The following ZDHHC15 variants were observed in gnomAD, a reference collection of about 807,000 sequenced individuals.
The protein encoded by ZDHHC15 is palmitoyltransferase ZDHHC15.
In ZDHHC15, 19 loss-of-function variants were observed where a neutral mutation model predicts 31.7. That is an observed-to-expected ratio of 0.60 (90% CI 0.42 to 0.88). The LOEUF is 0.88. ZDHHC15 is among the 40% of genes least tolerant of loss of function. The pLI is 0.00. For missense variants in ZDHHC15, 209 were observed against 251.2 expected (o/e 0.83, Z 1.14); for synonymous variants, 103 against 90.0 (o/e 1.14, Z -0.82).
chrX:75,485,989 A>C (rs752387690), intron 2 of ZDHHC15, among the ~76,000 whole-genome samples: 5 of 111,882 alleles, frequency 4.5e-5, no homozygotes, highest in African/African-American at 1.6e-4. Flanking sequence ...CTGGTGACTC[A>C]CATGGTGAAC....
chrX:75,451,788 A>T (rs773119600), intron 3 of ZDHHC15, among the ~76,000 whole-genome samples: 1 of 111,611 alleles, frequency 9.0e-6, no homozygotes, highest in Admixed American at 9.6e-5. Context: ...TCTCCTTTAG[A>T]AGTCTAATTT....
intron 3 of ZDHHC15, among the ~76,000 whole-genome samples, chrX:75,458,223 T>C (rs963287721): frequency 6.3e-5 from 7 of 111,814 alleles, no homozygotes; most frequent in Non-Finnish European, 1.3e-4. Flanking sequence ...CATAGAATAG[T>C]ACCAACTAGG....
At chrX:75,497,071 A>G (rs2085012427) in intron 2 of ZDHHC15, among the ~76,000 whole-genome samples, 2 of 112,119 alleles carry the variant, frequency 1.8e-5, no homozygotes, top group Non-Finnish European at 3.8e-5. Flanking sequence ...AAGATAAACA[A>G]AATCAATAGA....
At chrX:75,449,485 A>T (rs2084085151) in intron 4 of ZDHHC15, among the ~76,000 whole-genome samples, 1 of 111,381 alleles carries the variant, frequency 9.0e-6, no homozygotes, top group African/African-American at 3.3e-5. Flanking sequence ...TGTTTCACCT[A>T]TCTCTTCCAC....
chrX:75,422,590 A>G (rs1240293610), intron 8 of ZDHHC15, among the ~76,000 whole-genome samples: 2 of 111,176 alleles, frequency 1.8e-5, no homozygotes, highest in East Asian at 5.7e-4. Context: ...TTAGACACAC[A>G]TTTATCCCAT....
intron 2 of ZDHHC15, among the ~76,000 whole-genome samples, chrX:75,479,510 T>A (rs771738834): frequency 1.9e-4 from 21 of 112,075 alleles, no homozygotes; most frequent in Non-Finnish European, 5.6e-5. Flanking sequence ...TTTTTTCTTT[T>A]AAAAAAGTTT....
intron 2 of ZDHHC15, among the ~76,000 whole-genome samples, chrX:75,495,970 A>G (rs2084990840): frequency 9.0e-6 from 1 of 110,621 alleles, no homozygotes; most frequent in African/African-American, 3.3e-5. Flanking sequence ...TCAGGTAACA[A>G]CTAGTATAAT....
At chrX:75,428,583 C>A (rs945981758) in intron 7 of ZDHHC15, among the ~76,000 whole-genome samples, 1 of 111,186 alleles carries the variant, frequency 9.0e-6, no homozygotes, top group Non-Finnish European at 1.9e-5. Flanking sequence ...AACAAAAAAA[C>A]CCCTCCCCAT....
chrX:75,411,099 G>C (rs2083480002), intron 10 of ZDHHC15, among the ~76,000 whole-genome samples: 1 of 112,125 alleles, frequency 8.9e-6, no homozygotes, highest in Non-Finnish European at 1.9e-5. Context: ...TTAGGGAGGA[G>C]AGGAGAATAA....
intron 10 of ZDHHC15, among the ~76,000 whole-genome samples, chrX:75,389,638 G>T (rs1038190758): frequency 9.0e-6 from 1 of 110,724 alleles, no homozygotes; most frequent in Non-Finnish European, 1.9e-5. Flanking sequence ...TAAAGTGAAA[G>T]ACCCAGTCCT....
At chrX:75,423,229 G>A (rs1026602311) in intron 8 of ZDHHC15, among the ~76,000 whole-genome samples, 8 of 107,841 alleles carry the variant, frequency 7.4e-5, no homozygotes, top group African/African-American at 2.7e-4. Flanking sequence ...TAGGTTCAGG[G>A]TAAATGTGCA....
At chrX:75,491,876 G>C (rs1195727740) in intron 2 of ZDHHC15, among the ~76,000 whole-genome samples, 2 of 111,419 alleles carry the variant, frequency 1.8e-5, no homozygotes, top group Non-Finnish European at 3.8e-5. Context: ...GGAAGAAACT[G>C]CATCAATTAA....
intron 1 of ZDHHC15, among the ~76,000 whole-genome samples, chrX:75,506,692 A>C (rs1174250219): frequency 8.9e-6 from 1 of 112,476 alleles, no homozygotes; most frequent in Non-Finnish European, 1.9e-5. Flanking sequence ...TGAAGCATTG[A>C]TCAGTCAACC....
At chrX:75,393,729 G>T (rs2083270133) in intron 10 of ZDHHC15, among the ~76,000 whole-genome samples, 1 of 111,415 alleles carries the variant, frequency 9.0e-6, no homozygotes, top group Non-Finnish European at 1.9e-5. Context: ...ACCAAAATCT[G>T]TATTAGTCAG....
chrX:75,405,863 C>T (rs2083405927), intron 10 of ZDHHC15, among the ~76,000 whole-genome samples: 1 of 112,300 alleles, frequency 8.9e-6, no homozygotes, highest in East Asian at 2.8e-4. Context: ...ACAGAATATA[C>T]ATTCTTTTCT....
rs541238663 is a variant in ZDHHC15, at chrX:75,383,734, G to GTTTTTTTTTTTTTTTTTTTTTTTT, written c.968-4537_968-4536insAAAAAAAAAAAAAAAAAAAAAAAA. ...ACTACCCCAAATTTAAGAAATGTTA[G>GTTTTTTTTTTTTTTTTTTTTTTTT]GTTTTTTTTTTTTTTTTTTTTTGAG... is the stretch of plus-strand genomic sequence containing the variant. On this transcript the variant is annotated intron_variant, in intron 10 of 11. Coordinates refer to ENST00000373367, the MANE Select transcript of ZDHHC15 (RefSeq NM_144969.3). 2.6e-5 allele frequency among the ~76,000 whole-genome samples: 2 copies of GTTTTTTTTTTTTTTTTTTTTTTTT among 77,793 alleles called. 1 individual carries two copies. The highest frequency in any genetic ancestry group is 4.8e-5 in the Non-Finnish European group (2 of 41,880). The allele number at this position is 77,793 out of a possible 115,157, so 67.6% of individuals were successfully genotyped here. A position where few individuals can be genotyped will look rare whatever the true frequency, so the allele number is the denominator to read the frequency against.
At chrX:75,430,234 C>T (rs950859045) in intron 5 of ZDHHC15, among the ~76,000 whole-genome samples, 4 of 111,502 alleles carry the variant, frequency 3.6e-5, no homozygotes, top group African/African-American at 1.3e-4. Flanking sequence ...GGATTGGAAA[C>T]TCCAGATTAT....
rs929828016 is a variant in ZDHHC15 at position 75,384,590 on chromosome X, G to A, written c.968-5392C>T. On this transcript the variant is annotated intron_variant, in intron 10 of 11. Coordinates refer to ENST00000373367, the MANE Select transcript of ZDHHC15 (RefSeq NM_144969.3). Reference sequence around the variant, plus strand: ...ATTGTTGTAAACAAACAAGTTAAGGGCAAGATTCTTGCCAAGAGAATTAAT... The same window carrying A: ...ATTGTTGTAAACAAACAAGTTAAGGACAAGATTCTTGCCAAGAGAATTAAT... The A allele has an allele frequency of 7.8e-4, 619 of 791,955 alleles. 6 individuals carry two copies. Among genetic ancestry groups the A allele is most frequent in the Admixed American group, 1.4e-4 (6 of 42,382 alleles). 65.3% of individuals were successfully genotyped at this position (791,955 alleles called of 1,213,427 possible). A position where few individuals can be genotyped will look rare whatever the true frequency, so the allele number is the denominator to read the frequency against.
At chrX:75,405,880 C>T (rs184209819) in intron 10 of ZDHHC15, among the ~76,000 whole-genome samples, 10 of 112,382 alleles carry the variant, frequency 8.9e-5, no homozygotes, top group Admixed American at 5.6e-4. Flanking sequence ...TTCTTCAGCA[C>T]ATAGAGCATT....
Sources: gnomAD v4.1 joint callset for allele counts (sites outside exome capture counted in the v4.1 genomes callset) on GRCh38, gnomAD v4.1.1 for gene constraint, MANE v1.5 for transcripts, NCBI Gene and HGNC (gene_info 2026-07-23, HGNC 2026-07-21) for gene names.